SPECC1L: variants seen among roughly 807,000 people sequenced by gnomAD.
SPECC1L encodes sperm antigen with calponin homology and coiled-coil domains 1 like.
A neutral mutation model predicts 116.8 loss-of-function variants in SPECC1L; 40 were observed. That is an observed-to-expected ratio of 0.34 (90% CI 0.27 to 0.45). SPECC1L has a LOEUF of 0.45. Ranked by LOEUF, SPECC1L falls within the 20% of genes least tolerant of loss-of-function variation. SPECC1L has a pLI of 1.00. For missense variants in SPECC1L, 1,110 were observed against 1,373.6 expected, an observed-to-expected ratio of 0.81 and a Z score of 3.03; for synonymous variants, 504 against 500.6, an observed-to-expected ratio of 1.01 and a Z score of -0.09.
chr22:24,395,019 G>A (rs1046539302), intron 14 of SPECC1L, among the ~76,000 whole-genome samples: 3 of 152,008 alleles, frequency 2.0e-5, no homozygotes, highest in Non-Finnish European at 4.4e-5. Flanking sequence ...TTGTAGATAG[G>A]GTTTCATCAT....
At chr22:24,385,827 C>T (rs2042150745) in intron 14 of SPECC1L, among the ~76,000 whole-genome samples, 1 of 152,080 alleles carries the variant, frequency 6.6e-6, no homozygotes, top group Non-Finnish European at 1.5e-5. Flanking sequence ...CTCTCATTAA[C>T]GAATAGAAAA....
chr22:24,405,841 A>G (rs1014765766), intron 14 of SPECC1L, among the ~76,000 whole-genome samples: 2 of 148,956 alleles, frequency 1.3e-5, no homozygotes, highest in Admixed American at 6.7e-5. Flanking sequence ...TCTGCCTCAA[A>G]AAAAAAAAAA....
At chr22:24,373,446 A>C (rs1013171243) in intron 14 of SPECC1L, among the ~76,000 whole-genome samples, 2 of 152,212 alleles carry the variant, frequency 1.3e-5, no homozygotes, top group Non-Finnish European at 2.9e-5. Context: ...AATGGAACAG[A>C]ACAGAGCCCT....
intron 14 of SPECC1L, among the ~76,000 whole-genome samples, chr22:24,407,169 C>T (rs556489234): frequency 1.3e-5 from 2 of 152,322 alleles, no homozygotes; most frequent in South Asian, 4.1e-4. Context: ...GAGGTAGGGC[C>T]CCCAGCTAGC....
chr22:24,338,787 G>A (rs1014213424), intron 10 of SPECC1L, among the ~76,000 whole-genome samples: 3 of 152,108 alleles, frequency 2.0e-5, no homozygotes, highest in Admixed American at 6.5e-5. Context: ...TGGGTATTAG[G>A]TACTGTTCTT....
At chr22:24,276,197 C>T (rs1447361610) in intron 1 of SPECC1L, among the ~76,000 whole-genome samples, 2 of 152,064 alleles carry the variant, frequency 1.3e-5, no homozygotes, top group Non-Finnish European at 2.9e-5. Context: ...GGCGACATAA[C>T]GGGACCCTGT....
intron 10 of SPECC1L, among the ~76,000 whole-genome samples, chr22:24,340,083 C>T (rs1448476045): frequency 1.4e-5 from 2 of 147,834 alleles, no homozygotes; most frequent in East Asian, 2.0e-4. Flanking sequence ...CCACGCCTGA[C>T]ATTATGTCGT....
At position 24,392,894 on chromosome 22, in the gene SPECC1L, C is replaced by T. The variant is rs535964744; in HGVS notation, c.3088-18694C>T. Among the ~76,000 whole-genome samples the T allele has an allele frequency of 3.9e-5, 6 of 152,308 alleles. No homozygotes were observed. In the East Asian group the frequency reaches 1.2e-3, roughly 29 times the overall value. On this transcript the variant is annotated intron_variant, in intron 14 of 16. Coordinates refer to ENST00000314328, the MANE Select transcript of SPECC1L (RefSeq NM_015330.6). ...CCCTTACAGGTCTGGTGGCTGTTGG[C>T]GGAGACTTTCACTAGACCTGTGGCC...
At chr22:24,272,534 G>A (rs2048749361) in intron 1 of SPECC1L, among the ~76,000 whole-genome samples, 2 of 152,012 alleles carry the variant, frequency 1.3e-5, no homozygotes, top group Admixed American at 6.6e-5. Flanking sequence ...TTAGTCGGGC[G>A]TGGTGGCACA....
chr22:24,354,111 T>C (rs530829316), intron 11 of SPECC1L, among the ~76,000 whole-genome samples: 13 of 152,182 alleles, frequency 8.5e-5, no homozygotes, highest in African/African-American at 2.2e-4. Context: ...CACACACTTT[T>C]AAACAACCAG....
chr22:24,342,061 C>T (rs1217332605), intron 10 of SPECC1L, among the ~76,000 whole-genome samples: 1 of 152,188 alleles, frequency 6.6e-6, no homozygotes, highest in Non-Finnish European at 1.5e-5. Context: ...TGTTTTAAGC[C>T]ACTAAAGATT....
intron 10 of SPECC1L, among the ~76,000 whole-genome samples, chr22:24,345,080 C>T (rs1259106280): frequency 6.6e-6 from 1 of 151,828 alleles, no homozygotes; most frequent in Non-Finnish European, 1.5e-5. Context: ...TTGTTGTGGT[C>T]GGGGGGGTGC....
intron 14 of SPECC1L, among the ~76,000 whole-genome samples, chr22:24,394,872 C>G (rs189568945): frequency 6.6e-6 from 1 of 152,216 alleles, no homozygotes; most frequent in East Asian, 1.9e-4. Context: ...ACTCTGTCAC[C>G]CAGGCTGGAG....
At chr22:24,293,354 G>A (rs1452295177) in intron 2 of SPECC1L, among the ~76,000 whole-genome samples, 2 of 152,210 alleles carry the variant, frequency 1.3e-5, no homozygotes, top group African/African-American at 4.8e-5. Context: ...TCGGGAGGCT[G>A]AGGCAGGAGA....
intron 11 of SPECC1L, among the ~76,000 whole-genome samples, chr22:24,349,040 T>C (rs1326195311): frequency 6.6e-6 from 1 of 152,158 alleles, no homozygotes; most frequent in African/African-American, 2.4e-5. Context: ...TTTCTCCTTT[T>C]TTTTTTCTTT....
chr22:24,271,879 A>T (rs977789727), intron 1 of SPECC1L, among the ~76,000 whole-genome samples: 2 of 152,232 alleles, frequency 1.3e-5, no homozygotes, highest in Non-Finnish European at 2.9e-5. Flanking sequence ...CTCTTAAGCC[A>T]TGATAATATT....
intron 4 of SPECC1L, among the ~76,000 whole-genome samples, chr22:24,317,334 C>T (rs1221020716): frequency 2.8e-4 from 29 of 104,844 alleles, no homozygotes; most frequent in East Asian, 1.5e-3. Flanking sequence ...ACCTCCCTCC[C>T]GGACGGGGCG....
intron 14 of SPECC1L, among the ~76,000 whole-genome samples, chr22:24,407,375 G>A (rs1294358611): frequency 6.6e-6 from 1 of 152,184 alleles, no homozygotes; most frequent in African/African-American, 2.4e-5. Context: ...TTCTTCCCTG[G>A]CGGGGTGTTG....
At chr22:24,353,101 A>G (rs984748736) in intron 11 of SPECC1L, among the ~76,000 whole-genome samples, 19 of 152,240 alleles carry the variant, frequency 1.2e-4, no homozygotes, top group African/African-American at 4.1e-4. Context: ...CCTTATAGGA[A>G]CATCCTACAT....
Sources: gnomAD v4.1 joint callset for allele counts (sites outside exome capture counted in the v4.1 genomes callset) on GRCh38, gnomAD v4.1.1 for gene constraint, MANE v1.5 for transcripts, NCBI Gene and HGNC (gene_info 2026-07-23, HGNC 2026-07-21) for gene names.